Variants in NSUN6 observed in about 807,000 individuals in gnomAD.
NSUN6 encodes the protein NOP2/Sun RNA methyltransferase 6.
NSUN6 carries 64 observed loss-of-function variants against 58.0 expected under a neutral mutation model. The ratio of observed to expected loss-of-function variants is 1.10; its 90% confidence interval spans 0.90 to 1.36. NSUN6 has a LOEUF of 1.36. Ranked by LOEUF, NSUN6 falls within the 40% of genes most tolerant of loss-of-function variation. The pLI is 0.00. For synonymous variants in NSUN6, 231 were observed against 193.9 expected (o/e 1.19, Z -1.59); for missense variants, 701 against 550.1 (o/e 1.27, Z -2.74).
intron 6 of NSUN6, among the ~76,000 whole-genome samples, chr10:18,600,035 T>C (rs1258441897): frequency 5.9e-5 from 9 of 152,192 alleles, no homozygotes; most frequent in Non-Finnish European, 8.8e-5. Context: ...TTACAAAGTA[T>C]CTTTGGGTAA....
chr10:18,656,884 A>T (rs2059783922), upstream of NSUN6, among the ~76,000 whole-genome samples: 1 of 135,744 alleles, frequency 7.4e-6, no homozygotes, highest in South Asian at 2.3e-4. Flanking sequence ...TGGAGTCCAG[A>T]TGCACGATCT....
At chr10:18,565,557 C>T (rs1315747811) in intron 8 of NSUN6, among the ~76,000 whole-genome samples, 1 of 150,966 alleles carries the variant, frequency 6.6e-6, no homozygotes, top group Non-Finnish European at 1.5e-5. Flanking sequence ...CGTGGCATTC[C>T]ATTCCAATCC....
chr10:18,652,501 G>T, upstream of NSUN6: 3 of 983,732 alleles, frequency 3.0e-6, no homozygotes, highest in Non-Finnish European at 3.6e-6. Context: ...TTACCAGAAA[G>T]AGTAGAAAAT....
intron 6 of NSUN6, among the ~76,000 whole-genome samples, chr10:18,600,994 T>TATATA (rs2057817712): frequency 1.3e-5 from 1 of 77,170 alleles, no homozygotes; most frequent in Non-Finnish European, 2.9e-5. Flanking sequence ...ATATATATAT[T>TATATA]ATATACTAGC....
intron 8 of NSUN6, among the ~76,000 whole-genome samples, chr10:18,561,994 A>G (rs1244885306): frequency 6.6e-6 from 1 of 150,942 alleles, no homozygotes; most frequent in Non-Finnish European, 1.5e-5. Context: ...AATGATATGG[A>G]ATGGAGAATT....
chr10:18,615,047 C>T (rs2058362040), intron 4 of NSUN6, among the ~76,000 whole-genome samples: 1 of 151,126 alleles, frequency 6.6e-6, no homozygotes, highest in African/African-American at 2.4e-5. Flanking sequence ...TTTGTATTTG[C>T]TATTTTGATA....
At chr10:18,563,786 CTCCAT>C (rs1056215863) in intron 8 of NSUN6, among the ~76,000 whole-genome samples, 3 of 149,796 alleles carry the variant, frequency 2.0e-5, no homozygotes, top group Non-Finnish European at 3.0e-5. Flanking sequence ...CTATTCCATT[CTCCAT>C]TCCATTCCAT....
At chr10:18,623,521 A>T (rs1337052397) in intron 3 of NSUN6, among the ~76,000 whole-genome samples, 1 of 152,182 alleles carries the variant, frequency 6.6e-6, no homozygotes, top group African/African-American at 2.4e-5. Flanking sequence ...TTAATCAAAC[A>T]TTTATTACTT....
chr10:18,628,764 C>A (rs1429549655), intron 3 of NSUN6, among the ~76,000 whole-genome samples: 5 of 151,988 alleles, frequency 3.3e-5, no homozygotes, highest in Admixed American at 6.6e-5. Flanking sequence ...GTGAAAAGAC[C>A]AAATCTACGT....
At chr10:18,655,413 A>C (rs369756521), upstream of NSUN6, among the ~76,000 whole-genome samples, 2 of 152,222 alleles carry the variant, frequency 1.3e-5, no homozygotes, top group African/African-American at 4.8e-5. Flanking sequence ...TAAACCAAAC[A>C]AATTAGGTAG....
intron 7 of NSUN6, among the ~76,000 whole-genome samples, chr10:18,591,867 G>A (rs746986219): frequency 1.3e-5 from 2 of 152,126 alleles, no homozygotes; most frequent in Non-Finnish European, 2.9e-5. Flanking sequence ...GCTCTGGCCA[G>A]GCTAATCAGG....
intron 3 of NSUN6, among the ~76,000 whole-genome samples, chr10:18,635,128 T>C (rs2059170302): frequency 6.6e-6 from 1 of 152,162 alleles, no homozygotes; most frequent in Admixed American, 6.5e-5. Flanking sequence ...AATAAAACCC[T>C]TGGGCACCAA....
At position 18,616,199 on chromosome 10, in the gene NSUN6, C is replaced by G; in HGVS notation, c.406G>C (p.Val136Leu). 1 of 1,571,910 alleles carries G rather than the reference C, an allele frequency of 6.4e-7. No homozygotes were observed. The highest frequency in any genetic ancestry group is 8.8e-7 in the Non-Finnish European group (1 of 1,141,854). ...TTATACTTACATTGTGATGCTGACA[C>G]AATTCCTGGGGCATAGACATGGGCT... ...RGAHVYAPGI[V>L]SASQFMKAGD... Residue 136 changes from valine to leucine, a missense_variant, in exon 4 of 11, where the codon GTG becomes CTG. Val to Leu is a conservative substitution (Grantham distance 32). Coordinates refer to ENST00000377304, the MANE Select transcript of NSUN6 (RefSeq NM_182543.5).
chr10:18,640,344 A>G (rs527784375), intron 3 of NSUN6, among the ~76,000 whole-genome samples: 1 of 152,308 alleles, frequency 6.6e-6, no homozygotes, highest in East Asian at 1.9e-4. Context: ...TTTTATACTT[A>G]TGTACAACTC....
chr10:18,623,700 C>T (rs2058688510), intron 3 of NSUN6, among the ~76,000 whole-genome samples: 1 of 152,150 alleles, frequency 6.6e-6, no homozygotes, highest in Admixed American at 6.5e-5. Flanking sequence ...CAAAAAGCAG[C>T]CCAGGAAAGA....
rs529004347 is a variant in NSUN6, at chr10:18,557,660, G to A, written c.923-5689C>T. Among the ~76,000 whole-genome samples, 5 of 150,774 alleles carry A rather than the reference G, an allele frequency of 3.3e-5. No homozygotes were observed. In the Admixed American group the frequency reaches 3.3e-4, roughly 10 times the overall value. ...GAATGGAAAAGAGCAGAATGGAATG[G>A]AGAATGGAATGGAAAGGAGGATGGA... On this transcript the variant is annotated intron_variant, in intron 8 of 10. Coordinates refer to ENST00000377304, the MANE Select transcript of NSUN6 (RefSeq NM_182543.5).
intron 3 of NSUN6, among the ~76,000 whole-genome samples, chr10:18,641,266 T>A (rs1242101578): frequency 6.6e-6 from 1 of 152,140 alleles, no homozygotes; most frequent in African/African-American, 2.4e-5. Context: ...TTATTATAAT[T>A]CTTAGGAGTT....
intron 5 of NSUN6, among the ~76,000 whole-genome samples, 175 bp from the exon 6 acceptor site, chr10:18,610,101 C>A (rs935815917): frequency 1.3e-5 from 2 of 152,176 alleles, no homozygotes; most frequent in Non-Finnish European, 2.9e-5. Flanking sequence ...GGGAGGATCA[C>A]TTGAGGTCAG....
chr10:18,550,366 A>G lies in NSUN6; in HGVS notation c.1071+1457T>C, dbSNP rs902875826. On this transcript the variant is annotated intron_variant, in intron 9 of 10. Coordinates refer to ENST00000377304, the MANE Select transcript of NSUN6 (RefSeq NM_182543.5). ...TACACAACCAGTGCTACCTTTGTAT[A>G]TGAAAGGAAACACCAGGAGAGTTGA... 2.0e-5 allele frequency among the ~76,000 whole-genome samples: 3 copies of G among 152,234 alleles called. No individual in the cohort carries two copies. In the South Asian group the frequency reaches 6.2e-4, roughly 31 times the overall value.
Sources: allele counts gnomAD v4.1 joint callset (sites outside exome capture counted in the v4.1 genomes callset), GRCh38; gene constraint gnomAD v4.1.1; transcripts MANE v1.5; gene names NCBI Gene and HGNC (gene_info 2026-07-23, HGNC 2026-07-21).